KDELR3: variants seen among roughly 807,000 people sequenced by gnomAD.
KDELR3 encodes ER lumen protein-retaining receptor 3.
Under a neutral mutation model 22.7 loss-of-function variants are expected in KDELR3, and 26 were observed. The ratio of observed to expected loss-of-function variants is 1.15; its 90% CI spans 0.84 to 1.59. KDELR3 has a LOEUF of 1.59. Ranked by LOEUF, KDELR3 falls within the 40% of genes most tolerant of loss-of-function variation. The pLI is 0.00. For missense variants in KDELR3, 289 were observed against 251.1 expected, an observed-to-expected ratio of 1.15 and a Z score of -1.02; for synonymous variants, 120 against 98.2, an observed-to-expected ratio of 1.22 and a Z score of -1.31.
Position 38,478,563 on chromosome 22 carries a change from C to G in KDELR3, c.193-1030C>G, listed in dbSNP as rs534990538. ...AAAAAAAAAAAAAAGGAAGAACAAA[C>G]TTTCAGGCCCATCCAGACCTATGAA... On this transcript the variant is annotated intron_variant, in intron 2 of 4. Transcript: ENST00000216014. Among the ~76,000 whole-genome samples, 58 of 138,818 alleles carry G rather than the reference C, an allele frequency of 4.2e-4. 1 individual carries two copies. The highest frequency in any genetic ancestry group is 1.4e-3 in the African/African-American group (53 of 38,418). 91.1% of individuals were successfully genotyped at this position (138,818 alleles called of 152,430 possible).
chr22:38,470,681 T>C (rs557925780), intron 1 of KDELR3, among the ~76,000 whole-genome samples: 1 of 152,198 alleles, frequency 6.6e-6, no homozygotes, highest in Non-Finnish European at 1.5e-5. Flanking sequence ...TTCCCATTTG[T>C]CAAATGGGAG....
chr22:38,481,701 T>C, intron 4 of KDELR3: 1 of 1,312,774 alleles, frequency 7.6e-7, no homozygotes, highest in Non-Finnish European at 1.0e-6. Context: ...ACAGAATACT[T>C]GGTTAGTAGT....
intron 2 of KDELR3, among the ~76,000 whole-genome samples, chr22:38,479,272 C>T (rs1418175907): frequency 6.6e-6 from 1 of 152,064 alleles, no homozygotes; most frequent in Non-Finnish European, 1.5e-5. Context: ...TTTCAAGAGC[C>T]CTGGAATGCC....
At chr22:38,469,337 G>A (rs1475408408) in intron 1 of KDELR3, among the ~76,000 whole-genome samples, 1 of 152,220 alleles carries the variant, frequency 6.6e-6, no homozygotes, top group Non-Finnish European at 1.5e-5. Flanking sequence ...TTTTCTGCCA[G>A]GCCAGGGAGT....
intron 4 of KDELR3, among the ~76,000 whole-genome samples, chr22:38,481,924 C>CA (rs2089605760): frequency 6.6e-6 from 1 of 151,848 alleles, no homozygotes; most frequent in African/African-American, 2.4e-5. Flanking sequence ...AGCTTATGAG[C>CA]AAAAACAAAC....
intron 1 of KDELR3, among the ~76,000 whole-genome samples, chr22:38,470,184 C>G (rs1204487801): frequency 2.4e-5 from 3 of 125,116 alleles, no homozygotes; most frequent in Non-Finnish European, 5.1e-5. Context: ...AGTGCAGTGG[C>G]GCAATCTCGG....
chr22:38,479,556 T>G (rs1432790392), intron 2 of KDELR3, 37 bp from the exon 3 acceptor site: 2 of 1,588,968 alleles, frequency 1.3e-6, no homozygotes, highest in Non-Finnish European at 1.7e-6. Context: ...GGAAATGACT[T>G]CATAGATTCG....
intron 3 of KDELR3, among the ~76,000 whole-genome samples, chr22:38,480,967 A>T (rs1317986085): frequency 6.6e-6 from 1 of 152,070 alleles, no homozygotes; most frequent in Non-Finnish European, 1.5e-5. Context: ...TTCTATATAA[A>T]TGCTCACGCT....
At position 38,468,272 on chromosome 22, in the gene KDELR3, C is replaced by T. The variant is rs773779992; in HGVS notation, c.39C>T (p.Leu13=). 19 of 1,613,766 alleles carry T rather than the reference C, an allele frequency of 1.2e-5. No homozygotes were observed. Among genetic ancestry groups the T allele is most frequent in the East Asian group, 6.7e-5 (3 of 44,868 alleles). ...GAATCCTCGGCGACCTGAGCCACCT[C>T]CTGGCCATGATCTTGCTGCTGGGGA... ...VFRILGDLSH[L]LAMILLLGKI... The change falls in exon 1 of 5, where the codon CTC becomes CTT. Residue 13 remains leucine, a synonymous_variant. Coordinates refer to ENST00000216014, the MANE Select transcript of KDELR3 (RefSeq NM_006855.4).
At position 38,479,624 on chromosome 22, in the gene KDELR3, T is replaced by C. The variant is rs375590658; in HGVS notation, c.224T>C (p.Val75Ala). The change falls in exon 3 of 5, where the codon GTG becomes GCG. Residue 75 changes from valine to alanine, a missense_variant. By Grantham distance (64) the Val-to-Ala change is moderately conservative. Coordinates refer to ENST00000216014, the MANE Select transcript of KDELR3 (RefSeq NM_006855.4). ...TTTCTCCTCTGTGCCTATGTTACAG[T>C]GTACATGATATATGGGAAATTCCGT... is the stretch of plus-strand genomic sequence containing the variant. ...VVFLLCAYVT[V>A]YMIYGKFRKT... 6.3e-5 allele frequency: 101 copies of C among 1,613,842 alleles called. No homozygotes were observed. The highest frequency in any genetic ancestry group is 2.7e-5 in the African/African-American group (2 of 74,898).
At chr22:38,481,012 T>G (rs929797440) in intron 3 of KDELR3, among the ~76,000 whole-genome samples, 200 bp from the exon 4 acceptor site, 2 of 152,136 alleles carry the variant, frequency 1.3e-5, no homozygotes, top group African/African-American at 4.8e-5. Context: ...GTATAATCTT[T>G]CAAAAATTAG....
chr22:38,468,528 C>A (rs927978825), intron 1 of KDELR3, among the ~76,000 whole-genome samples: 1 of 152,112 alleles, frequency 6.6e-6, no homozygotes, highest in Non-Finnish European at 1.5e-5. Flanking sequence ...TGATGGGAGG[C>A]GGGTGGGTTT....
chr22:38,482,641 G>C lies in KDELR3; in HGVS notation c.*105G>C. ...AATTTGGGATCAAATGTTAAAACCA[G>C]AAAAGTGTTTAGTGTGGATTTCAGC... On this transcript the variant is annotated 3_prime_UTR_variant, in exon 5 of 5. Coordinates refer to ENST00000216014, the MANE Select transcript of KDELR3 (RefSeq NM_006855.4). The C allele has an allele frequency of 9.4e-7, 1 of 1,061,796 alleles. No homozygotes were observed. The highest frequency in any genetic ancestry group is 1.4e-6 in the Non-Finnish European group (1 of 695,542). 65.8% of individuals were successfully genotyped at this position (1,061,796 alleles called of 1,614,324 possible). A position where few individuals can be genotyped will look rare whatever the true frequency, so the allele number is the denominator to read the frequency against.
chr22:38,479,510 T>G, intron 2 of KDELR3, 83 bp from the exon 3 acceptor site: 1 of 1,288,922 alleles, frequency 7.8e-7, no homozygotes, highest in Non-Finnish European at 1.1e-6. Context: ...CACTGACCCT[T>G]AGGTTTGGTA....
At chr22:38,476,482 T>C (rs2089558991) in intron 2 of KDELR3, among the ~76,000 whole-genome samples, 1 of 152,182 alleles carries the variant, frequency 6.6e-6, no homozygotes, top group East Asian at 1.9e-4. Flanking sequence ...CCTCCCGAAG[T>C]GCTGGGATTA....
chr22:38,474,009 T>A (rs972616114), intron 1 of KDELR3, among the ~76,000 whole-genome samples: 1 of 152,164 alleles, frequency 6.6e-6, no homozygotes, highest in African/African-American at 2.4e-5. Flanking sequence ...AAAGGCTTTT[T>A]AAATCTTACA....
At chr22:38,475,079 C>CAAA (rs1018109138) in intron 2 of KDELR3, among the ~76,000 whole-genome samples, 216 of 20,446 alleles carry the variant, frequency 0.011, 21 homozygotes, top group African/African-American at 0.027. Context: ...GACTCTGTCT[C>CAAA]AAAAAAAAAA....
intron 4 of KDELR3, 149 bp downstream of exon 4, chr22:38,481,613 T>C: frequency 6.7e-7 from 1 of 1,494,710 alleles, no homozygotes; most frequent in South Asian, 1.4e-5. Context: ...ATATTTTCAA[T>C]AAAGAAACAA....
At position 38,482,579 on chromosome 22, in the gene KDELR3, A is replaced by C. The variant is rs759811411; in HGVS notation, c.*43A>C. 1 of 1,528,990 alleles carries C rather than the reference A, an allele frequency of 6.5e-7. No homozygotes were observed. 94.7% of individuals were successfully genotyped at this position (1,528,990 alleles called of 1,614,324 possible). Reference sequence around the variant, plus strand: ...CTACGCCTTAACAAGCACATGAAGGAAACTATTTTGAATGTTCTCTTTGGC... The same window carrying C: ...CTACGCCTTAACAAGCACATGAAGGCAACTATTTTGAATGTTCTCTTTGGC... On this transcript the variant is annotated 3_prime_UTR_variant, in exon 5 of 5. Coordinates refer to ENST00000216014, the MANE Select transcript of KDELR3 (RefSeq NM_006855.4).
Sources: allele counts gnomAD v4.1 joint callset (sites outside exome capture counted in the v4.1 genomes callset), GRCh38; gene constraint gnomAD v4.1.1; transcripts MANE v1.5; gene names NCBI Gene and HGNC (gene_info 2026-07-23, HGNC 2026-07-21).